Variants in ADARB2 observed in about 807,000 individuals in gnomAD.
ADARB2 encodes inactive double-stranded RNA-specific editase B2.
Under a neutral mutation model 62.2 loss-of-function variants are expected in ADARB2, and 25 were observed. The observed-to-expected ratio is 0.40, with a 90% CI of 0.29 to 0.56. ADARB2 has a LOEUF of 0.56. ADARB2 is among the 20% of genes least tolerant of loss of function. The pLI is 0.43. For missense variants in ADARB2, 1,071 were observed against 1,077.4 expected, an observed-to-expected ratio of 0.99 and a Z score of 0.08; for synonymous variants, 572 against 500.8, an observed-to-expected ratio of 1.14 and a Z score of -1.90.
At chr10:1,422,796 G>A (rs1209756367) in intron 1 of ADARB2, among the ~76,000 whole-genome samples, 6 of 152,116 alleles carry the variant, frequency 3.9e-5, no homozygotes, top group Admixed American at 6.5e-5. Flanking sequence ...CTGGGCTTTC[G>A]GCCTGCGGCA....
chr10:1,293,013 GGAGGGGAGAGA>G (rs1174593525), intron 3 of ADARB2: 3 of 69,882 alleles, frequency 4.3e-5, no homozygotes, highest in Admixed American at 2.8e-4. Flanking sequence ...AAGGAGAGAG[GGAGGGGAGAGA>G]GAGGGACACA....
At chr10:1,411,924 C>T (rs1164165099) in intron 1 of ADARB2, among the ~76,000 whole-genome samples, 5 of 152,164 alleles carry the variant, frequency 3.3e-5, no homozygotes, top group Admixed American at 3.3e-4. Flanking sequence ...TACATAAAGA[C>T]CTGAAAACTG....
At chr10:1,718,469 G>T (rs1356436115) in intron 1 of ADARB2, among the ~76,000 whole-genome samples, 2 of 152,184 alleles carry the variant, frequency 1.3e-5, no homozygotes, top group East Asian at 3.8e-4. Context: ...GACCCGAAAT[G>T]TCACCCTTGC....
chr10:1,709,259 A>T (rs1003699283), intron 1 of ADARB2, among the ~76,000 whole-genome samples: 1 of 152,232 alleles, frequency 6.6e-6, no homozygotes, highest in African/African-American at 2.4e-5. Context: ...TACACAGCTA[A>T]TTAATAACAC....
At chr10:1,532,067 C>T (rs537849924) in intron 1 of ADARB2, among the ~76,000 whole-genome samples, 1 of 152,304 alleles carries the variant, frequency 6.6e-6, no homozygotes, top group South Asian at 2.1e-4. Context: ...CCCTGGGCAC[C>T]CAGGCACTGT....
intron 1 of ADARB2, among the ~76,000 whole-genome samples, chr10:1,589,513 G>A (rs1025790572): frequency 2.6e-5 from 4 of 151,972 alleles, no homozygotes; most frequent in African/African-American, 9.7e-5. Context: ...CGGTCGGGGC[G>A]TCCATGGTCC....
intron 1 of ADARB2, among the ~76,000 whole-genome samples, chr10:1,685,801 A>T (rs895436467): frequency 1.3e-5 from 2 of 152,236 alleles, no homozygotes; most frequent in Admixed American, 6.5e-5. Context: ...GATGGAGATC[A>T]TCATGGAAAA....
rs1287122134 is a variant in ADARB2 at position 1,182,529 on chromosome 10, C to T, written c.*664G>A. The stretch of plus-strand genomic sequence containing the variant: ...GGGCCGGGTGTTTCCAGGCTCCCCA[C>T]GTCACAGGTCTTAACTCTGCCTCGC... On this transcript the variant is annotated 3_prime_UTR_variant, in exon 10 of 10. Coordinates refer to ENST00000381312, the MANE Select transcript of ADARB2 (RefSeq NM_018702.4). 1.3e-5 allele frequency: 2 copies of T among 152,656 alleles called. No homozygotes were observed. Among genetic ancestry groups the T allele is most frequent in the African/African-American group, 4.8e-5 (2 of 41,446 alleles). The allele number at this position is 152,656 out of a possible 1,614,324, so 9.5% of individuals were successfully genotyped here.
chr10:1,512,550 G>A (rs1182309716), intron 1 of ADARB2, among the ~76,000 whole-genome samples: 1 of 152,254 alleles, frequency 6.6e-6, no homozygotes, highest in East Asian at 1.9e-4. Flanking sequence ...TGAGAAGGCT[G>A]AAGTCCAAAG....
intron 1 of ADARB2, among the ~76,000 whole-genome samples, chr10:1,554,029 C>CCGT (rs1457643563): frequency 1.3e-5 from 2 of 152,202 alleles, no homozygotes; most frequent in Non-Finnish European, 2.9e-5. Context: ...CAGCTCTGCT[C>CCGT]CGTCCTCTCA....
chr10:1,299,136 G>T (rs1292716251), intron 3 of ADARB2, among the ~76,000 whole-genome samples: 1 of 151,978 alleles, frequency 6.6e-6, no homozygotes, highest in Non-Finnish European at 1.5e-5. Flanking sequence ...AATGTCTTGT[G>T]TGTTAAGAAG....
chr10:1,319,733 C>T (rs1831778718), intron 3 of ADARB2, among the ~76,000 whole-genome samples: 3 of 152,276 alleles, frequency 2.0e-5, no homozygotes, highest in South Asian at 2.1e-4. Flanking sequence ...GTGCCCTGTC[C>T]GAGTACCTAC....
At chr10:1,419,793 G>A (rs1448095778) in intron 1 of ADARB2, among the ~76,000 whole-genome samples, 3 of 152,216 alleles carry the variant, frequency 2.0e-5, no homozygotes, top group Non-Finnish European at 4.4e-5. Flanking sequence ...GCGCTTGTTA[G>A]CTTTTCACAT....
At chr10:1,220,535 G>A (rs968769856) in intron 6 of ADARB2, among the ~76,000 whole-genome samples, 4 of 152,162 alleles carry the variant, frequency 2.6e-5, no homozygotes, top group Non-Finnish European at 5.9e-5. Context: ...AACTTTCTGC[G>A]GAAGGCAACA....
chr10:1,574,081 C>T lies in ADARB2; in HGVS notation c.100+162970G>A, dbSNP rs776389693. On this transcript the variant is annotated intron_variant, in intron 1 of 9. Coordinates refer to ENST00000381312, the MANE Select transcript of ADARB2 (RefSeq NM_018702.4). ...AGACCTTTAGGAAAAAAATTAGATA[C>T]CCACACAGGGAATCCTGAGGCTGCA... 7.9e-5 allele frequency among the ~76,000 whole-genome samples: 12 copies of T among 152,288 alleles called. No homozygotes were observed. In the South Asian group the frequency reaches 2.3e-3, roughly 29 times the overall value.
Position 1,648,581 on chromosome 10 carries a change from T to C in ADARB2, c.100+88470A>G, listed in dbSNP as rs927140582. ...TAGAAAATAAACATGTGGGTAAGCA[T>C]TGGTCCATACGTATAAGCGATCAAG... On this transcript the variant is annotated intron_variant, in intron 1 of 9. Transcript: ENST00000381312. 4.6e-5 allele frequency among the ~76,000 whole-genome samples: 7 copies of C among 152,274 alleles called. No individual in the cohort carries two copies. The East Asian group carries it at 1.4e-3, about 29-fold the overall frequency.
At chr10:1,557,852 C>CGGTGAGCTGAGGTTGT (rs1429498373) in intron 1 of ADARB2, among the ~76,000 whole-genome samples, 4 of 152,050 alleles carry the variant, frequency 2.6e-5, no homozygotes, top group Non-Finnish European at 1.5e-5. Context: ...GCGGAGGTTG[C>CGGTGAGCTGAGGTTGT]GGTGAGCTGA....
intron 1 of ADARB2, among the ~76,000 whole-genome samples, chr10:1,561,979 A>G (rs1054425845): frequency 1.3e-5 from 2 of 152,154 alleles, no homozygotes; most frequent in African/African-American, 4.8e-5. Flanking sequence ...GCTTCTGTGA[A>G]CTGCAGTCAC....
chr10:1,629,414 C>G (rs1405401556), intron 1 of ADARB2, among the ~76,000 whole-genome samples: 1 of 152,060 alleles, frequency 6.6e-6, no homozygotes, highest in Non-Finnish European at 1.5e-5. Context: ...TTCACTTCCC[C>G]CATTACCTCC....
Sources: allele counts gnomAD v4.1 joint callset (sites outside exome capture counted in the v4.1 genomes callset), GRCh38; gene constraint gnomAD v4.1.1; transcripts MANE v1.5; gene names NCBI Gene and HGNC (gene_info 2026-07-23, HGNC 2026-07-21).